FAM171A1: variants seen among roughly 807,000 people sequenced by gnomAD.
FAM171A1 encodes the protein protein FAM171A1.
In FAM171A1, 23 loss-of-function variants were observed where a neutral mutation model predicts 74.9. The observed-to-expected ratio is 0.31, with a 90% CI of 0.22 to 0.44. The LOEUF (loss-of-function observed/expected upper bound fraction) is 0.44. Among genes scored for constraint, FAM171A1 ranks in the 20% least tolerant of loss-of-function variants. The probability of loss-of-function intolerance (pLI) is 1.00; values close to 1 mark genes in which losing one functional copy is unlikely to be tolerated. For synonymous variants in FAM171A1, 527 were observed against 505.7 expected (o/e 1.04, Z -0.57); for missense variants, 1,162 against 1,159.2 (o/e 1.00, Z -0.03).
intron 5 of FAM171A1, among the ~76,000 whole-genome samples, chr10:15,231,180 G>C (rs1183065692): frequency 6.6e-6 from 1 of 152,196 alleles, no homozygotes; most frequent in Non-Finnish European, 1.5e-5. Flanking sequence ...CAGAGGTCTG[G>C]AGGAAAGCCT....
chr10:15,213,948 T>C lies in FAM171A1; in HGVS notation c.1640A>G (p.His547Arg). The change falls in exon 8 of 8, where the codon CAC (histidine) becomes CGC (arginine). Residue 547 changes from histidine to arginine, a missense_variant. Coordinates refer to ENST00000378116, the MANE Select transcript of FAM171A1 (RefSeq NM_001010924.2). This position sits in a 1 kb window ranked among gnomAD's most constrained non-coding sequence, Gnocchi z 6.8. The part of the protein sequence containing the change: ...TECMMSRSVD[H>R]LERPTSFPRP... ...TGGGAAGGACGTAGGTCTCTCGAGG[T>C]GATCTACTGATCGCGACATCATACA... 6.2e-7 allele frequency: 1 copy of C among 1,614,152 alleles called. No individual in the cohort carries two copies. Among genetic ancestry groups the C allele is most frequent in the Admixed American group, 1.7e-5 (1 of 60,022 alleles).
At chr10:15,370,042 C>T (rs1234132663) in intron 1 of FAM171A1, among the ~76,000 whole-genome samples, 2 of 152,142 alleles carry the variant, frequency 1.3e-5, no homozygotes, top group African/African-American at 2.4e-5. Flanking sequence ...GCTGTCCCCA[C>T]AAAAATGTGC....
At chr10:15,259,297 G>A (rs1308986675) in intron 3 of FAM171A1, among the ~76,000 whole-genome samples, 1 of 152,018 alleles carries the variant, frequency 6.6e-6, no homozygotes, top group Non-Finnish European at 1.5e-5. Context: ...CTCAACTATT[G>A]TGAAAGCCTC....
chr10:15,371,069 G>GCT lies in FAM171A1; in HGVS notation c.-18_-17insAG. 9.4e-7 allele frequency: 1 copy of GCT among 1,063,858 alleles called. No individual in the cohort carries two copies. Among genetic ancestry groups the GCT allele is most frequent in the Non-Finnish European group, 1.1e-6 (1 of 870,376 alleles). The allele number at this position is 1,063,858 out of a possible 1,614,324, so 65.9% of individuals were successfully genotyped here. A position where few individuals can be genotyped will look rare whatever the true frequency, so the allele number is the denominator to read the frequency against. On this transcript the variant is annotated 5_prime_UTR_variant, in exon 1 of 8. Coordinates refer to ENST00000378116, the MANE Select transcript of FAM171A1 (RefSeq NM_001010924.2). Reference sequence around the variant, plus strand: ...CCTGCTCATCTCCGCCGCGGGGCCGGCGGCGGCTCGGGCTCGCCGAGAGCG... The same window carrying GCT: ...CCTGCTCATCTCCGCCGCGGGGCCGGCTCGGCGGCTCGGGCTCGCCGAGAGCG...
rs148909042 is a variant in FAM171A1 at position 15,270,967 on chromosome 10, G to A, written c.418+4888C>T. On this transcript the variant is annotated intron_variant, in intron 3 of 7. Coordinates refer to ENST00000378116, the MANE Select transcript of FAM171A1 (RefSeq NM_001010924.2). ...AGCTGAAAATTCTAAAAATCAGAGC[G>A]CCTATTCTCCTCAAAAGGAATGCAG... is the stretch of plus-strand genomic sequence containing the variant. Among the ~76,000 whole-genome samples the A allele has an allele frequency of 3.3e-4, 50 of 152,334 alleles. No individual in the cohort carries two copies. In the East Asian group the frequency reaches 6.2e-3, roughly 19 times the overall value.
intron 1 of FAM171A1, among the ~76,000 whole-genome samples, chr10:15,353,580 T>G (rs1835901970): frequency 6.6e-6 from 1 of 152,186 alleles, no homozygotes; most frequent in Non-Finnish European, 1.5e-5. Flanking sequence ...AAACATCGTC[T>G]CTTTTTATAA....
Position 15,274,880 on chromosome 10 carries a change from A to G in FAM171A1, c.418+975T>C, listed in dbSNP as rs549350436. 3.3e-5 allele frequency among the ~76,000 whole-genome samples: 5 copies of G among 152,344 alleles called. No homozygotes were observed. The South Asian group carries it at 6.2e-4, about 19-fold the overall frequency. On this transcript the variant is annotated intron_variant, in intron 3 of 7. Coordinates refer to ENST00000378116, the MANE Select transcript of FAM171A1 (RefSeq NM_001010924.2). ...ATGTCCATCAATGATAGACTGGATT[A>G]AGAAAATGTGGCACATGTACACCAT...
intron 3 of FAM171A1, among the ~76,000 whole-genome samples, chr10:15,266,014 G>A (rs1001675509): frequency 6.6e-6 from 1 of 152,194 alleles, no homozygotes; most frequent in African/African-American, 2.4e-5. Flanking sequence ...GGCTCAGGCA[G>A]CTCTCAGGCC....
intron 5 of FAM171A1, among the ~76,000 whole-genome samples, chr10:15,221,603 C>T (rs1237143938): frequency 6.6e-6 from 1 of 152,200 alleles, no homozygotes; most frequent in Non-Finnish European, 1.5e-5. Flanking sequence ...CCAGTTTGTT[C>T]CAATGCTGGG....
intron 1 of FAM171A1, among the ~76,000 whole-genome samples, chr10:15,361,756 G>A (rs902188114): frequency 6.6e-6 from 1 of 152,134 alleles, no homozygotes; most frequent in Non-Finnish European, 1.5e-5. Flanking sequence ...AGTGTTCAGT[G>A]CTCTTCATTC....
chr10:15,215,985 T>C lies in FAM171A1; in HGVS notation c.986+11A>G. 1 of 1,552,784 alleles carries C rather than the reference T, an allele frequency of 6.4e-7. No individual in the cohort carries two copies. The highest frequency in any genetic ancestry group is 8.7e-7 in the Non-Finnish European group (1 of 1,145,640). ...ATTAAAAAAGATATTGCCAAAATGG[T>C]AACACTTTACCTGCAATAATATAAA... On this transcript the variant is annotated intron_variant, in intron 7 of 7. Coordinates refer to ENST00000378116, the MANE Select transcript of FAM171A1 (RefSeq NM_001010924.2).
rs574890304 is a variant in FAM171A1 at position 15,370,611 on chromosome 10, G to C, written c.97+345C>G. Among the ~76,000 whole-genome samples the C allele has an allele frequency of 3.7e-3, 563 of 152,104 alleles. 1 individual carries two copies. The highest frequency in any genetic ancestry group is 0.013 in the African/African-American group (539 of 41,546). On this transcript the variant is annotated intron_variant, in intron 1 of 7. Coordinates refer to ENST00000378116, the MANE Select transcript of FAM171A1 (RefSeq NM_001010924.2). ...CCCCTCTGTCCGCGGCGACATGGGA[G>C]ACAGAGCCGCGTGTCCGAGGCGCGG... is the stretch of plus-strand genomic sequence containing the variant.
At chr10:15,304,118 G>A (rs1453382995) in intron 1 of FAM171A1, among the ~76,000 whole-genome samples, 2 of 152,186 alleles carry the variant, frequency 1.3e-5, no homozygotes, top group African/African-American at 2.4e-5. Context: ...ATGGGCTTTT[G>A]GATGTGCTAT....
chr10:15,227,756 T>C (rs1270629976), intron 5 of FAM171A1, among the ~76,000 whole-genome samples: 2 of 152,254 alleles, frequency 1.3e-5, no homozygotes, highest in African/African-American at 2.4e-5. Flanking sequence ...AACAATTTGT[T>C]GAACTATCTT....
intron 5 of FAM171A1, 145 bp downstream of exon 5, chr10:15,248,494 C>G (rs886354144): frequency 5.2e-6 from 4 of 767,160 alleles, no homozygotes; most frequent in Non-Finnish European, 1.9e-6. Flanking sequence ...AGGGTGCCGT[C>G]CCCATGAGAA....
intron 1 of FAM171A1, among the ~76,000 whole-genome samples, chr10:15,331,868 TGTGTGTGTATAC>T (rs1376041142): frequency 0.048 from 2,461 of 50,874 alleles, 141 homozygotes; most frequent in African/African-American, 0.18. Flanking sequence ...TGTATATATA[TGTGTGTGTATAC>T]ATATATATAT....
intron 6 of FAM171A1, among the ~76,000 whole-genome samples, 163 bp from the exon 7 acceptor site, chr10:15,216,273 C>T (rs897917133): frequency 1.3e-5 from 2 of 152,176 alleles, no homozygotes; most frequent in Admixed American, 6.5e-5. Context: ...GTACCACCAG[C>T]ATTGCATTAG....
chr10:15,349,307 G>A (rs889069215), intron 1 of FAM171A1, among the ~76,000 whole-genome samples: 1 of 152,218 alleles, frequency 6.6e-6, no homozygotes, highest in African/African-American at 2.4e-5. Context: ...TGCTTACTGA[G>A]TAGTTAACTG....
At chr10:15,325,398 C>T (rs2131852319) in intron 1 of FAM171A1, among the ~76,000 whole-genome samples, 1 of 152,224 alleles carries the variant, frequency 6.6e-6, no homozygotes, top group South Asian at 2.1e-4. Flanking sequence ...GTCCCAGCTG[C>T]TTGGGAGGCT....
Sources: allele counts gnomAD v4.1 joint callset (sites outside exome capture counted in the v4.1 genomes callset), GRCh38; gene constraint gnomAD v4.1.1; non-coding constraint Gnocchi (gnomAD v3.1); transcripts MANE v1.5; gene names NCBI Gene and HGNC (gene_info 2026-07-23, HGNC 2026-07-21).